The following ZNF148 variants were observed in gnomAD, a reference collection of about 807,000 sequenced individuals.
The protein encoded by ZNF148 is zinc finger protein 148.
ZNF148 carries 7 observed loss-of-function variants against 67.7 expected under a neutral mutation model. The observed-to-expected ratio is 0.10, with a 90% CI of 0.06 to 0.19. ZNF148 has a LOEUF of 0.19. Among genes scored for constraint, ZNF148 ranks in the 10% least tolerant of loss-of-function variants. The pLI is 1.00. For synonymous variants in ZNF148, 333 were observed against 330.7 expected (o/e 1.01, Z -0.08); for missense variants, 583 against 947.1 (o/e 0.62, Z 5.05).
chr3:125,272,899 C>T (rs1001987616), intron 7 of ZNF148, among the ~76,000 whole-genome samples: 7 of 152,218 alleles, frequency 4.6e-5, no homozygotes, highest in Non-Finnish European at 1.5e-5. Context: ...CATGCCAGTG[C>T]AGTCTGGGCT....
chr3:125,317,699 A>ACG (rs71148174), intron 3 of ZNF148, among the ~76,000 whole-genome samples: 1 of 79,192 alleles, frequency 1.3e-5, no homozygotes, highest in Non-Finnish European at 2.8e-5. Flanking sequence ...ACACACACAC[A>ACG]TATATATATA....
chr3:125,284,899 GCATTT>G (rs1450573792), intron 5 of ZNF148, among the ~76,000 whole-genome samples: 1 of 116,042 alleles, frequency 8.6e-6, no homozygotes, highest in African/African-American at 3.6e-5. Context: ...CTTTCCCATT[GCATTT>G]AAGTTTTCCA....
chr3:125,259,783 T>C (rs1046767784), intron 7 of ZNF148, among the ~76,000 whole-genome samples: 27 of 152,148 alleles, frequency 1.8e-4, no homozygotes, highest in Admixed American at 6.5e-4. Context: ...TAATTTCCTT[T>C]AAGAACTTTT....
intron 7 of ZNF148, among the ~76,000 whole-genome samples, chr3:125,270,341 T>TAA (rs550755110): frequency 3.2e-4 from 45 of 141,234 alleles, no homozygotes; most frequent in Non-Finnish European, 5.6e-4. Context: ...ACTCCATCTC[T>TAA]AAAAAAAAAA....
At position 125,323,396 on chromosome 3, in the gene ZNF148, G is replaced by A; in HGVS notation, c.-104C>T. 1 of 696,744 alleles carries A rather than the reference G, an allele frequency of 1.4e-6. No homozygotes were observed. The highest frequency in any genetic ancestry group is 2.1e-5 in the Admixed American group (1 of 48,256). The allele number at this position is 696,744 out of a possible 1,614,324, so 43.2% of individuals were successfully genotyped here. A position where few individuals can be genotyped will look rare whatever the true frequency, so the allele number is the denominator to read the frequency against. On this transcript the variant is annotated 5_prime_UTR_variant, in exon 3 of 9. Transcript: ENST00000360647. ...CATGGTTGAGTTTCTACCTTTCATA[G>A]GCTTCAGAAATCCTCAATACCACCT...
intron 5 of ZNF148, among the ~76,000 whole-genome samples, chr3:125,283,598 C>G (rs150930298): frequency 6.6e-6 from 1 of 151,986 alleles, no homozygotes; most frequent in African/African-American, 2.4e-5. Flanking sequence ...TATTATTTTG[C>G]CAATCTTCTT....
At chr3:125,330,844 A>T (rs1941259616) in intron 2 of ZNF148, among the ~76,000 whole-genome samples, 3 of 152,184 alleles carry the variant, frequency 2.0e-5, no homozygotes, top group African/African-American at 7.2e-5. Flanking sequence ...TAGGCCAACA[A>T]GAAAGGAGAG....
At chr3:125,241,724 A>T (rs1936373267) in intron 7 of ZNF148, among the ~76,000 whole-genome samples, 2 of 152,220 alleles carry the variant, frequency 1.3e-5, no homozygotes, top group Non-Finnish European at 2.9e-5. Flanking sequence ...TAACTTGTAA[A>T]TGTATTAATT....
intron 1 of ZNF148, among the ~76,000 whole-genome samples, chr3:125,335,327 T>C (rs970126262): frequency 6.6e-6 from 1 of 152,056 alleles, no homozygotes; most frequent in Non-Finnish European, 1.5e-5. Context: ...TTAACCACCA[T>C]ACAACACTCT....
At chr3:125,340,987 CAAAAAAAAAAAAAA>C (rs934719609) in intron 1 of ZNF148, among the ~76,000 whole-genome samples, 3 of 12,168 alleles carry the variant, frequency 2.5e-4, no homozygotes, top group Non-Finnish European at 5.7e-4. Flanking sequence ...GACTCCGGCT[CAAAAAAAAAAAAAA>C]AAAAAAAAAA....
intron 7 of ZNF148, among the ~76,000 whole-genome samples, chr3:125,258,588 C>A (rs1257219988): frequency 6.6e-6 from 1 of 151,990 alleles, no homozygotes; most frequent in South Asian, 2.1e-4. Context: ...TTAATTGCTA[C>A]AAGCAAAGCA....
At chr3:125,348,164 C>A (rs534550171) in intron 1 of ZNF148, among the ~76,000 whole-genome samples, 23 of 152,102 alleles carry the variant, frequency 1.5e-4, no homozygotes, top group Admixed American at 1.2e-3. Flanking sequence ...GAGGCTGTAG[C>A]TGGAGGATTG....
intron 7 of ZNF148, among the ~76,000 whole-genome samples, chr3:125,262,342 A>T (rs970319213): frequency 1.3e-5 from 2 of 152,252 alleles, no homozygotes; most frequent in Non-Finnish European, 2.9e-5. Context: ...TGAAATATGA[A>T]AACTTTCTTT....
chr3:125,233,852 C>G lies in ZNF148; in HGVS notation c.874G>C (p.Gly292Arg), dbSNP rs1167189077. ...DKKLNRCAIK[G>R]GLLTSEEDSG... ...TCTTCCTCAGATGTCAGAAGGCCAC[C>G]TTTGATGGCACATCTATTTAGTTTT... Residue 292 changes from glycine to arginine, a missense_variant, in exon 9 of 9, where the codon GGT (glycine) becomes CGT (arginine). By Grantham distance (125) the Gly-to-Arg change is moderately radical. Transcript: ENST00000360647. The surrounding 1 kb of genome is among the most constrained non-coding windows in gnomAD (Gnocchi z 5.1). The G allele has an allele frequency of 3.1e-6, 5 of 1,613,312 alleles. No homozygotes were observed. Among genetic ancestry groups the G allele is most frequent in the Non-Finnish European group, 4.2e-6 (5 of 1,179,852 alleles).
intron 4 of ZNF148, among the ~76,000 whole-genome samples, chr3:125,295,566 T>A (rs969008623): frequency 2.0e-5 from 3 of 152,042 alleles, no homozygotes; most frequent in Non-Finnish European, 2.9e-5. Flanking sequence ...CCAGAAGTAG[T>A]ATGGCAAAAC....
At chr3:125,337,963 G>C (rs1941564267) in intron 1 of ZNF148, among the ~76,000 whole-genome samples, 1 of 152,010 alleles carries the variant, frequency 6.6e-6, no homozygotes, top group Non-Finnish European at 1.5e-5. Context: ...TTTTTTGTTA[G>C]CCAGGCATGG....
chr3:125,234,113 G>C (rs904441560), intron 8 of ZNF148, 98 bp downstream of exon 8: 3 of 1,203,516 alleles, frequency 2.5e-6, no homozygotes, highest in Non-Finnish European at 3.5e-6. Flanking sequence ...GAGTTAGAAG[G>C]CCCCTTAAAT....
chr3:125,290,115 T>C (rs1938926520), intron 4 of ZNF148, among the ~76,000 whole-genome samples: 1 of 152,150 alleles, frequency 6.6e-6, no homozygotes. Context: ...CCTAAAACTC[T>C]AAAGCCCCTG....
intron 4 of ZNF148, among the ~76,000 whole-genome samples, chr3:125,293,783 A>T (rs1473950817): frequency 6.6e-6 from 1 of 152,198 alleles, no homozygotes; most frequent in East Asian, 1.9e-4. Context: ...ATATAGAAGG[A>T]ATGCGGAAAA....
Sources: gnomAD v4.1 joint callset for allele counts (sites outside exome capture counted in the v4.1 genomes callset) on GRCh38, gnomAD v4.1.1 for gene constraint, Gnocchi (gnomAD v3.1) non-coding constraint, MANE v1.5 for transcripts, NCBI Gene and HGNC (gene_info 2026-07-23, HGNC 2026-07-21) for gene names.